The following FBN2 variants were observed in gnomAD, a reference collection of about 807,000 sequenced individuals.
FBN2 encodes the protein fibrillin 2.
A neutral mutation model predicts 355.6 loss-of-function variants in FBN2; 105 were observed. The observed-to-expected ratio is 0.30, with a 90% confidence interval of 0.25 to 0.35. The LOEUF (loss-of-function observed/expected upper bound fraction) is 0.35, where lower values mean the gene tolerates loss of function less well. Among genes scored for constraint, FBN2 ranks in the 10% least tolerant of loss-of-function variants. The probability of loss-of-function intolerance (pLI) is 1.00; values close to 1 mark genes in which losing one functional copy is unlikely to be tolerated. For missense variants in FBN2, 3,280 were observed against 3,758.7 expected, an observed-to-expected ratio of 0.87 and a Z score of 3.33; for synonymous variants, 1,350 against 1,301.2, an observed-to-expected ratio of 1.04 and a Z score of -0.81.
At chr5:128,429,453 A>T (rs1268538552) in intron 7 of FBN2, among the ~76,000 whole-genome samples, 1 of 152,206 alleles carries the variant, frequency 6.6e-6, no homozygotes, top group Non-Finnish European at 1.5e-5. Context: ...CAGATTTGAG[A>T]ATATATTTTA....
chr5:128,534,680 T>G (rs746633984), intron 2 of FBN2, among the ~76,000 whole-genome samples: 1 of 152,206 alleles, frequency 6.6e-6, no homozygotes, highest in East Asian at 1.9e-4. Context: ...ACTGTTACCC[T>G]GAGATTTTCA....
Position 128,258,791 on chromosome 5 carries a change from C to T in FBN2, c.*664G>A, listed in dbSNP as rs960254301. On this transcript the variant is annotated 3_prime_UTR_variant, in exon 65 of 65. Transcript: ENST00000262464. ...AATGAGCTGCTTTGGCTTCGATCTACGTTATAAAGGATCTAATGACATTCA... is the reference window on the plus strand; with the variant it reads ...AATGAGCTGCTTTGGCTTCGATCTATGTTATAAAGGATCTAATGACATTCA... 15 of 152,900 alleles carry T rather than the reference C, an allele frequency of 9.8e-5. No homozygotes were observed. Among genetic ancestry groups the T allele is most frequent in the African/African-American group, 3.1e-4 (13 of 41,422 alleles). 9.5% of individuals were successfully genotyped at this position (152,900 alleles called of 1,614,324 possible). A position where few individuals can be genotyped will look rare whatever the true frequency, so the allele number is the denominator to read the frequency against.
chr5:128,408,742 G>A lies in FBN2; in HGVS notation c.1010C>T (p.Thr337Ile). The A allele has an allele frequency of 6.2e-7, 1 of 1,613,766 alleles. No homozygotes were observed. Among genetic ancestry groups the A allele is most frequent in the Non-Finnish European group, 8.5e-7 (1 of 1,179,690 alleles). Residue 337 changes from threonine (T) to isoleucine (I), a missense_variant, in exon 8 of 65, where the codon ACC (threonine) becomes ATC (isoleucine). By Grantham distance (89) the Thr-to-Ile change is moderately conservative (BLOSUM62 -1). Transcript: ENST00000262464. The stretch of plus-strand genomic sequence containing the variant: ...ACAAACACAAAAATAGCTTCCCACG[G>A]TGTTGGAACATTCACCAGTTTCACA... ...GICETGECSN[T>I]VGSYFCVCPR...
chr5:128,452,687 T>A (rs1479159614), intron 6 of FBN2, among the ~76,000 whole-genome samples: 3 of 152,184 alleles, frequency 2.0e-5, no homozygotes, highest in Admixed American at 6.5e-5. Flanking sequence ...CCAAATTAGA[T>A]CCATTTCTAA....
chr5:128,421,907 A>G (rs1753358304), intron 7 of FBN2, among the ~76,000 whole-genome samples: 1 of 152,198 alleles, frequency 6.6e-6, no homozygotes, highest in South Asian at 2.1e-4. Flanking sequence ...CTTGAGATGC[A>G]GAGATAATCC....
chr5:128,436,681 A>AG, intron 7 of FBN2, among the ~76,000 whole-genome samples: 1 of 150,812 alleles, frequency 6.6e-6, no homozygotes, highest in Non-Finnish European at 1.5e-5. Context: ...AAAAAAAAAA[A>AG]GAAAAAAAAG....
intron 36 of FBN2, among the ~76,000 whole-genome samples, chr5:128,314,786 T>G (rs146151483): frequency 6.6e-6 from 1 of 152,370 alleles, no homozygotes; most frequent in East Asian, 1.9e-4. Flanking sequence ...ATATTTTTGT[T>G]TTAATGTGTT....
At chr5:128,537,198 C>T (rs1339552635) in intron 1 of FBN2, 152 bp downstream of exon 1, 3 of 1,364,232 alleles carry the variant, frequency 2.2e-6, no homozygotes, top group Non-Finnish European at 2.9e-6. Flanking sequence ...GGGACGCGCT[C>T]CTGGGGGTCT....
intron 11 of FBN2, among the ~76,000 whole-genome samples, chr5:128,390,895 C>T (rs543364001): frequency 6.6e-6 from 1 of 152,164 alleles, no homozygotes; most frequent in African/African-American, 2.4e-5. Flanking sequence ...TTATTTAACA[C>T]TGTATGCTTG....
At chr5:128,356,662 A>G (rs1202250823) in intron 20 of FBN2, among the ~76,000 whole-genome samples, 1 of 152,190 alleles carries the variant, frequency 6.6e-6, no homozygotes, top group African/African-American at 2.4e-5. Context: ...AATCTCCCTT[A>G]ATATACATCC....
At chr5:128,421,398 T>C (rs2127016624) in intron 7 of FBN2, among the ~76,000 whole-genome samples, 1 of 152,260 alleles carries the variant, frequency 6.6e-6, no homozygotes, top group African/African-American at 2.4e-5. Context: ...TGAAAAAATA[T>C]CCTGAAAGTA....
At chr5:128,530,746 T>C in intron 2 of FBN2, 53 bp from the exon 3 acceptor site, 1 of 1,158,956 alleles carries the variant, frequency 8.6e-7, no homozygotes. Context: ...TAAACCATAG[T>C]TTACAAAACA....
chr5:128,300,898 G>C lies in FBN2; in HGVS notation c.6085C>G (p.Pro2029Ala). 1.2e-6 allele frequency: 2 copies of C among 1,613,790 alleles called. No homozygotes were observed. The highest frequency in any genetic ancestry group is 1.7e-6 in the Non-Finnish European group (2 of 1,179,714). Residue 2029 changes from proline (P) to alanine (A), a missense_variant, in exon 48 of 65, where the codon CCT (proline) becomes GCT (alanine). Pro to Ala is a conservative substitution (Grantham distance 27, BLOSUM62 -1). Coordinates refer to ENST00000262464, the MANE Select transcript of FBN2 (RefSeq NM_001999.4). ...ECVALPGSCS[P>A]GTCQNLEGSF... ...CCCTCCAAATTCTGACAGGTACCAGGAGAGCAAGAGCCGGGAAGGGCGACA... is the reference window on the plus strand; with the variant it reads ...CCCTCCAAATTCTGACAGGTACCAGCAGAGCAAGAGCCGGGAAGGGCGACA...
intron 4 of FBN2, among the ~76,000 whole-genome samples, chr5:128,520,606 T>C (rs530801693): frequency 4.3e-4 from 66 of 152,228 alleles, no homozygotes; most frequent in African/African-American, 5.8e-4. Context: ...TTGAACCGGA[T>C]AGATTGCCTA....
rs548052105 is a variant in FBN2, at chr5:128,496,582, G to A, written c.628+22691C>T. On this transcript the variant is annotated intron_variant, in intron 5 of 64. Transcript: ENST00000262464. Reference sequence around the variant, plus strand: ...TGGTGAAATACTTGTTACGTTCCGCGTAAGATCAGACTAGGACAAGGAAAT... The same window carrying A: ...TGGTGAAATACTTGTTACGTTCCGCATAAGATCAGACTAGGACAAGGAAAT... Among the ~76,000 whole-genome samples, 19 of 152,090 alleles carry A rather than the reference G, an allele frequency of 1.2e-4. 1 individual carries two copies. The South Asian group carries it at 3.1e-3, about 25-fold the overall frequency.
intron 41 of FBN2, among the ~76,000 whole-genome samples, chr5:128,307,712 A>G (rs940719027): frequency 3.3e-5 from 5 of 151,846 alleles, no homozygotes; most frequent in African/African-American, 7.3e-5. Flanking sequence ...GTGAAATTTG[A>G]GTCATCAAAA....
chr5:128,456,197 T>C (rs553600533), intron 6 of FBN2, among the ~76,000 whole-genome samples: 3 of 152,018 alleles, frequency 2.0e-5, no homozygotes, highest in African/African-American at 7.2e-5. Flanking sequence ...AGAGTGCCTC[T>C]TCAGGTCTAA....
chr5:128,405,547 C>T (rs949782267), intron 8 of FBN2, among the ~76,000 whole-genome samples: 4 of 152,114 alleles, frequency 2.6e-5, no homozygotes, highest in Non-Finnish European at 5.9e-5. Context: ...TTGGTCTTAT[C>T]TGAATAAAAT....
intron 23 of FBN2, among the ~76,000 whole-genome samples, chr5:128,347,257 T>C (rs933259908): frequency 5.9e-5 from 9 of 152,182 alleles, no homozygotes; most frequent in Non-Finnish European, 8.8e-5. Flanking sequence ...GAACTATGCA[T>C]GTAAAAAGTT....
Sources: gnomAD v4.1 joint callset for allele counts (sites outside exome capture counted in the v4.1 genomes callset) on GRCh38, gnomAD v4.1.1 for gene constraint, MANE v1.5 for transcripts, NCBI Gene and HGNC (gene_info 2026-07-23, HGNC 2026-07-21) for gene names.